TAFA5: variants seen among roughly 807,000 people sequenced by gnomAD.
The protein encoded by TAFA5 is chemokine-like protein TAFA-5.
A neutral mutation model predicts 15.3 loss-of-function variants in TAFA5; 6 were observed. The ratio of observed to expected loss-of-function variants is 0.39; its 90% confidence interval spans 0.21 to 0.77. The LOEUF is 0.77. TAFA5 is among the 30% of genes least tolerant of loss of function. The pLI, the probability that TAFA5 is intolerant of heterozygous loss-of-function variation, is 0.41. For synonymous variants in TAFA5, 103 were observed against 80.7 expected (o/e 1.28, Z -1.48); for missense variants, 161 against 193.1 (o/e 0.83, Z 0.98).
chr22:48,500,753 A>G (rs1010540208), intron 1 of TAFA5, among the ~76,000 whole-genome samples: 2 of 152,200 alleles, frequency 1.3e-5, no homozygotes, highest in African/African-American at 4.8e-5. Flanking sequence ...ACTGTGTCCC[A>G]GAACCCAGCC....
chr22:48,732,381 C>T (rs1005572340), intron 3 of TAFA5, among the ~76,000 whole-genome samples: 8 of 152,072 alleles, frequency 5.3e-5, no homozygotes, highest in East Asian at 1.9e-4. Flanking sequence ...CTCAGCCTCC[C>T]GAGTAGGTGG....
At chr22:48,659,422 T>A (rs1017816648) in intron 2 of TAFA5, among the ~76,000 whole-genome samples, 2 of 152,298 alleles carry the variant, frequency 1.3e-5, no homozygotes, top group South Asian at 4.1e-4. Context: ...GGTCACATTC[T>A]CCTCAGGGGG....
At chr22:48,509,683 G>C (rs1921137088) in intron 1 of TAFA5, among the ~76,000 whole-genome samples, 1 of 152,190 alleles carries the variant, frequency 6.6e-6, no homozygotes, top group Non-Finnish European at 1.5e-5. Context: ...CCAGCGCAAT[G>C]GCTCACGCCT....
intron 2 of TAFA5, among the ~76,000 whole-genome samples, chr22:48,678,576 C>G (rs985531809): frequency 6.6e-6 from 1 of 152,134 alleles, no homozygotes; most frequent in Non-Finnish European, 1.5e-5. Context: ...GCGTGTGTGA[C>G]CTAAGCAGGG....
At chr22:48,603,974 G>T (rs759767284) in intron 1 of TAFA5, among the ~76,000 whole-genome samples, 1 of 152,184 alleles carries the variant, frequency 6.6e-6, no homozygotes, top group Non-Finnish European at 1.5e-5. Context: ...TATTATTTGG[G>T]GGACCTTGTG....
intron 1 of TAFA5, among the ~76,000 whole-genome samples, chr22:48,605,524 G>C (rs1297591244): frequency 1.3e-5 from 2 of 152,052 alleles, no homozygotes; most frequent in Non-Finnish European, 2.9e-5. Flanking sequence ...TTGTGGTGGT[G>C]ATAGGGCCTA....
intron 1 of TAFA5, among the ~76,000 whole-genome samples, chr22:48,636,981 T>C (rs1374680610): frequency 1.3e-5 from 2 of 152,078 alleles, no homozygotes; most frequent in African/African-American, 4.8e-5. Context: ...GTATGGGCAG[T>C]AGGGGCCCAA....
chr22:48,592,641 GCCTC>G (rs1161710737), intron 1 of TAFA5, among the ~76,000 whole-genome samples: 6 of 151,810 alleles, frequency 4.0e-5, no homozygotes, highest in Admixed American at 1.3e-4. Flanking sequence ...GGTATCTGCT[GCCTC>G]CCTCCCTCCC....
At chr22:48,652,133 G>A (rs148752983) in intron 2 of TAFA5, among the ~76,000 whole-genome samples, 64 of 152,364 alleles carry the variant, frequency 4.2e-4, no homozygotes, top group Non-Finnish European at 4.7e-4. Flanking sequence ...AGGCGCCAAC[G>A]GGGCCCCCAG....
chr22:48,545,218 C>G, intron 1 of TAFA5: 1 of 291,770 alleles, frequency 3.4e-6, no homozygotes, highest in South Asian at 3.6e-5. Context: ...CTGAAGCCTG[C>G]CATCCAGACC....
chr22:48,531,850 T>TC (rs1921985177), intron 1 of TAFA5, among the ~76,000 whole-genome samples: 1 of 151,568 alleles, frequency 6.6e-6, no homozygotes, highest in Admixed American at 6.6e-5. Flanking sequence ...ACCCCCCAAC[T>TC]CCCCCGGAAG....
chr22:48,743,728 G>C (rs1278771379), intron 3 of TAFA5, among the ~76,000 whole-genome samples: 1 of 152,236 alleles, frequency 6.6e-6, no homozygotes, highest in Non-Finnish European at 1.5e-5. Context: ...TGCCAGCCCA[G>C]CTGTGTTGGG....
chr22:48,627,943 G>A (rs1488408185), intron 1 of TAFA5, among the ~76,000 whole-genome samples: 2 of 152,204 alleles, frequency 1.3e-5, no homozygotes, highest in Non-Finnish European at 2.9e-5. Flanking sequence ...GCAGGCAGGT[G>A]TGTGCACTTA....
intron 1 of TAFA5, among the ~76,000 whole-genome samples, chr22:48,506,158 C>T (rs1269127848): frequency 3.9e-5 from 6 of 152,226 alleles, no homozygotes; most frequent in African/African-American, 7.2e-5. Context: ...CTGCTGGCCT[C>T]GCCTGGCCCC....
intron 1 of TAFA5, among the ~76,000 whole-genome samples, chr22:48,616,941 C>G (rs1478701638): frequency 6.6e-6 from 1 of 152,112 alleles, no homozygotes; most frequent in Non-Finnish European, 1.5e-5. Flanking sequence ...CGGTGGACAT[C>G]TGGATCTGGG....
At chr22:48,605,441 G>GTGATGGTAATGA (rs1569044330) in intron 1 of TAFA5, among the ~76,000 whole-genome samples, 11 of 76,250 alleles carry the variant, frequency 1.4e-4, no homozygotes, top group East Asian at 6.9e-4. Context: ...GGTGGTGGTG[G>GTGATGGTAATGA]TGGTGATGGC....
At chr22:48,581,346 G>T (rs1353459983) in intron 1 of TAFA5, among the ~76,000 whole-genome samples, 3 of 152,232 alleles carry the variant, frequency 2.0e-5, no homozygotes, top group Admixed American at 6.5e-5. Context: ...CCAGCTGGGG[G>T]TCCCTCCCAC....
intron 1 of TAFA5, among the ~76,000 whole-genome samples, chr22:48,548,522 C>T (rs888069140): frequency 1.3e-5 from 2 of 152,214 alleles, no homozygotes; most frequent in African/African-American, 4.8e-5. Context: ...GTCTGTGGGT[C>T]AGCTACAGTG....
chr22:48,526,705 G>C (rs971308745), intron 1 of TAFA5, among the ~76,000 whole-genome samples: 1 of 152,210 alleles, frequency 6.6e-6, no homozygotes, highest in African/African-American at 2.4e-5. Context: ...AGTTTTCATC[G>C]TGAGAAGAAT....
Sources: gnomAD v4.1 joint callset for allele counts (sites outside exome capture counted in the v4.1 genomes callset) on GRCh38, gnomAD v4.1.1 for gene constraint, MANE v1.5 for transcripts, NCBI Gene and HGNC (gene_info 2026-07-23, HGNC 2026-07-21) for gene names.